Variants in SUMF2 observed in about 807,000 individuals in gnomAD.
SUMF2 encodes inactive C-alpha-formylglycine-generating enzyme 2.
Under a neutral mutation model 44.8 loss-of-function variants are expected in SUMF2, and 45 were observed. The ratio of observed to expected loss-of-function variants is 1.00; its 90% confidence interval spans 0.79 to 1.29. SUMF2 has a LOEUF of 1.29. SUMF2 is among the 50% of genes most tolerant of loss of function. The pLI is 0.00. For missense variants in SUMF2, 418 were observed against 389.9 expected (o/e 1.07, Z -0.61); for synonymous variants, 148 against 150.4 (o/e 0.98, Z 0.12).
chr7:56,074,014 CAAAAAAAAAAAAAA>C (rs56927689), intron 3 of SUMF2, 146 bp from the exon 4 acceptor site: 30 of 320,884 alleles, frequency 9.3e-5, no homozygotes, highest in African/African-American at 5.4e-4. Flanking sequence ...GATCTTGTCT[CAAAAAAAAAAAAAA>C]AAAAAAAAAA....
chr7:56,065,636 G>C (rs1794733278), intron 1 of SUMF2, among the ~76,000 whole-genome samples: 1 of 151,888 alleles, frequency 6.6e-6, no homozygotes, highest in Admixed American at 6.6e-5. Context: ...GCAAGGTCTC[G>C]ACGTGTTGCC....
At chr7:56,083,740 T>C, downstream of SUMF2, 7 of 1,525,418 alleles carry the variant, frequency 4.6e-6, no homozygotes, top group Non-Finnish European at 6.3e-6. Context: ...GGTTGATAGC[T>C]GGATCGGTCC....
intron 8 of SUMF2, 89 bp downstream of exon 8, chr7:56,078,597 CACCA>C: frequency 7.2e-7 from 1 of 1,383,648 alleles, no homozygotes; most frequent in East Asian, 2.6e-5. Flanking sequence ...ACCTTCACAC[CACCA>C]ACCGTCTGTG....
chr7:56,081,457 A>C (rs1008584198), downstream of SUMF2, among the ~76,000 whole-genome samples: 4 of 152,108 alleles, frequency 2.6e-5, no homozygotes, highest in Non-Finnish European at 4.4e-5. This position sits in a 1 kb window ranked among gnomAD's most constrained non-coding sequence, Gnocchi z 4.6. Flanking sequence ...CAGCATCCTC[A>C]GGGACCGAGC....
chr7:56,087,530 C>T, the SUMF2 span: 49 of 1,515,598 alleles, frequency 3.2e-5, no homozygotes, highest in East Asian at 9.6e-4. Flanking sequence ...GCCACACTCC[C>T]TGGCTTGGGC....
At chr7:56,084,151 T>G (rs939392883), downstream of SUMF2, 5 of 1,519,360 alleles carry the variant, frequency 3.3e-6, no homozygotes, top group Non-Finnish European at 4.4e-6. Flanking sequence ...AGCAGTACCT[T>G]GCCCTGCCCT....
chr7:56,070,502 C>T (rs993657436), intron 2 of SUMF2, among the ~76,000 whole-genome samples: 2 of 151,802 alleles, frequency 1.3e-5, no homozygotes, highest in Non-Finnish European at 2.9e-5. Context: ...TGGTAGCACA[C>T]ACTTGTAGTC....
intron 1 of SUMF2, among the ~76,000 whole-genome samples, chr7:56,066,082 C>CAAAAAAAAAAAAAAGAAAAAAAAAAAA (rs1794769130): frequency 1.4e-5 from 1 of 69,688 alleles, no homozygotes; most frequent in Non-Finnish European, 2.6e-5. Flanking sequence ...CTCCGCCTCA[C>CAAAAAAAAAAAAAAGAAAAAAAAAAAA]AAAAAAAAAA....
intron 2 of SUMF2, among the ~76,000 whole-genome samples, chr7:56,072,581 G>T (rs1795250414): frequency 6.6e-6 from 1 of 152,028 alleles, no homozygotes; most frequent in African/African-American, 2.4e-5. Flanking sequence ...AAATTACCTG[G>T]GCGTGGTGGC....
chr7:56,075,698 C>CAA (rs749604404), intron 5 of SUMF2, among the ~76,000 whole-genome samples: 8 of 99,062 alleles, frequency 8.1e-5, no homozygotes, highest in Admixed American at 1.1e-4. Flanking sequence ...GACTCCGTCT[C>CAA]AAAAAAAAAA....
the SUMF2 span, chr7:56,087,783 G>A: frequency 1.2e-5 from 20 of 1,608,410 alleles, no homozygotes; most frequent in Non-Finnish European, 1.6e-5. Flanking sequence ...GCCCCTGGGA[G>A]TGCAGAGGAC....
At position 56,074,633 on chromosome 7, in the gene SUMF2, G is replaced by T; in HGVS notation, c.432G>T (p.Val144=). 1 of 1,614,192 alleles carries T rather than the reference G, an allele frequency of 6.2e-7. No homozygotes were observed. Among genetic ancestry groups the T allele is most frequent in the Non-Finnish European group, 8.5e-7 (1 of 1,180,032 alleles). Residue 144 remains valine, a synonymous_variant, in exon 5 of 9, where the codon GTG becomes GTT. Transcript: ENST00000434526. ...SGIRERLEHP[V]LHVSWNDARA... is the part of the protein sequence containing the mutation. ...TCCGAGAGAGACTGGAGCACCCAGT[G>T]TTACACGTGAGCTGGAATGACGCCC...
intron 4 of SUMF2, 165 bp from the exon 5 acceptor site, chr7:56,074,421 C>G (rs1291215230): frequency 5.8e-6 from 6 of 1,042,368 alleles, no homozygotes; most frequent in African/African-American, 3.2e-5. Flanking sequence ...CTTCAGCCTC[C>G]TGTAGTCTCT....
At chr7:56,068,701 T>A (rs954507606) in intron 2 of SUMF2, 63 bp downstream of exon 2, 4 of 256,662 alleles carry the variant, frequency 1.6e-5, no homozygotes, top group Non-Finnish European at 2.6e-5. Flanking sequence ...TTTTTCTTTC[T>A]TTTTTTTTTT....
intron 2 of SUMF2, among the ~76,000 whole-genome samples, chr7:56,072,298 C>A (rs995450233): frequency 6.6e-6 from 1 of 151,174 alleles, no homozygotes; most frequent in Non-Finnish European, 1.5e-5. Context: ...TGGTGGTATA[C>A]GTCTGTAATC....
At chr7:56,082,212 C>A, downstream of SUMF2, 1 of 1,613,804 alleles carries the variant, frequency 6.2e-7, no homozygotes, top group Non-Finnish European at 8.5e-7. Context: ...ATGGAGCACT[C>A]GATAATCTCA....
the SUMF2 span, among the ~76,000 whole-genome samples, chr7:56,087,384 GC>G: frequency 6.6e-6 from 1 of 152,036 alleles, no homozygotes; most frequent in South Asian, 2.1e-4. Flanking sequence ...AGCATGCCTG[GC>G]TAATTCAGCC....
downstream of SUMF2, chr7:56,082,131 G>T (rs2117541111): frequency 1.2e-6 from 2 of 1,612,450 alleles, no homozygotes; most frequent in Non-Finnish European, 1.7e-6. Context: ...GCCCAGCCTA[G>T]CTGGGTGCTC....
intron 2 of SUMF2, 45 bp downstream of exon 2, chr7:56,068,683 C>T (rs1030187052): frequency 6.4e-7 from 1 of 1,558,882 alleles, no homozygotes; most frequent in African/African-American, 1.4e-5. Context: ...CCTCTCTAAT[C>T]TCATTCTTTT....
Sources: gnomAD v4.1 joint callset for allele counts (sites outside exome capture counted in the v4.1 genomes callset) on GRCh38, gnomAD v4.1.1 for gene constraint, Gnocchi (gnomAD v3.1) non-coding constraint, MANE v1.5 for transcripts, NCBI Gene and HGNC (gene_info 2026-07-23, HGNC 2026-07-21) for gene names.